Variants in CTNNA2 observed in about 807,000 individuals in gnomAD.
CTNNA2 encodes catenin alpha 2, also known as catenin alpha-2.
In CTNNA2, 42 loss-of-function variants were observed where a neutral mutation model predicts 101.0. The ratio of observed to expected loss-of-function variants is 0.42; its 90% CI spans 0.32 to 0.54. CTNNA2 has a LOEUF of 0.54. Ranked by LOEUF, CTNNA2 falls within the 20% of genes least tolerant of loss-of-function variation. The pLI is 0.14. For synonymous variants in CTNNA2, 450 were observed against 456.4 expected (o/e 0.99, Z 0.18); for missense variants, 871 against 1,223.1 (o/e 0.71, Z 4.29).
chr2:80,536,198 AT>A (rs1214391511), intron 9 of CTNNA2, among the ~76,000 whole-genome samples: 8 of 152,200 alleles, frequency 5.3e-5, no homozygotes, highest in African/African-American at 1.9e-4. Flanking sequence ...ATCAGCACAG[AT>A]AAATGAATAA....
chr2:80,647,902 C>CTTTCT lies in CTNNA2; in HGVS notation c.*38_*42dup, dbSNP rs1376748364. On this transcript the variant is annotated 3_prime_UTR_variant, in exon 19 of 19. Transcript: ENST00000402739. ...ATAGGTTTTAACAAGAAAGCTTTTT[C>CTTTCT]TTTCTTTTCTTTCTTTCTTTTTCTT... 2.6e-6 allele frequency: 4 copies of CTTTCT among 1,524,760 alleles called. No homozygotes were observed. In the East Asian group the frequency reaches 9.1e-5, roughly 35 times the overall value. The allele number at this position is 1,524,760 out of a possible 1,614,324, so 94.5% of individuals were successfully genotyped here.
At chr2:80,410,873 A>T (rs571508998) in intron 8 of CTNNA2, among the ~76,000 whole-genome samples, 34 of 152,274 alleles carry the variant, frequency 2.2e-4, no homozygotes, top group Non-Finnish European at 4.0e-4. Flanking sequence ...GTGTTTATAG[A>T]CTATGGAAAA....
At chr2:79,343,149 A>T (rs1677177009) in intron 3 of CTNNA2, among the ~76,000 whole-genome samples, 1 of 152,226 alleles carries the variant, frequency 6.6e-6, no homozygotes, top group Non-Finnish European at 1.5e-5. Flanking sequence ...AAGATACAAT[A>T]AATAAATTAT....
chr2:80,067,796 C>A (rs965471641), intron 7 of CTNNA2, among the ~76,000 whole-genome samples: 2 of 152,172 alleles, frequency 1.3e-5, no homozygotes, highest in Non-Finnish European at 2.9e-5. Context: ...GCTACTCAAG[C>A]AAAGCTGTGC....
intron 17 of CTNNA2, chr2:80,616,278 T>C (rs1698845547): frequency 6.6e-6 from 1 of 151,734 alleles, no homozygotes. Flanking sequence ...GACGCTACCA[T>C]AAAACAAAAT....
intron 9 of CTNNA2, among the ~76,000 whole-genome samples, chr2:80,426,092 G>A (rs1680962384): frequency 6.6e-6 from 1 of 152,092 alleles, no homozygotes; most frequent in African/African-American, 2.4e-5. Flanking sequence ...ATAATTATTA[G>A]TAATTTCCTC....
At chr2:80,105,876 G>A (rs1700855721) in intron 7 of CTNNA2, among the ~76,000 whole-genome samples, 1 of 152,162 alleles carries the variant, frequency 6.6e-6, no homozygotes, top group Non-Finnish European at 1.5e-5. Context: ...CAATCTGCCT[G>A]CAGCACAGTG....
At chr2:79,401,625 C>A (rs1359121181) in intron 4 of CTNNA2, among the ~76,000 whole-genome samples, 1 of 151,034 alleles carries the variant, frequency 6.6e-6, no homozygotes, top group Non-Finnish European at 1.5e-5. Context: ...AAGTAAATCA[C>A]AGGGAAATTA....
intron 4 of CTNNA2, among the ~76,000 whole-genome samples, chr2:79,399,987 C>T (rs1303042286): frequency 6.6e-6 from 1 of 152,020 alleles, no homozygotes; most frequent in East Asian, 1.9e-4. Flanking sequence ...GTCCTCATGA[C>T]ATGTGCCCAA....
intron 7 of CTNNA2, among the ~76,000 whole-genome samples, chr2:79,927,085 T>C (rs1297616264): frequency 2.0e-5 from 3 of 152,128 alleles, no homozygotes; most frequent in Non-Finnish European, 2.9e-5. Flanking sequence ...ATGTGTATGG[T>C]ACATTCTGAG....
chr2:79,373,387 T>C (rs1677915081), intron 3 of CTNNA2, among the ~76,000 whole-genome samples: 1 of 152,210 alleles, frequency 6.6e-6, no homozygotes, highest in South Asian at 2.1e-4. Flanking sequence ...ATAATTATTC[T>C]TACTGAAACA....
intron 7 of CTNNA2, among the ~76,000 whole-genome samples, chr2:80,179,622 G>A (rs943722251): frequency 3.3e-5 from 5 of 152,052 alleles, no homozygotes; most frequent in Admixed American, 6.6e-5. Context: ...ATCCGCCCAC[G>A]ACAGCCTCCC....
At chr2:79,349,149 T>C (rs544894313) in intron 3 of CTNNA2, among the ~76,000 whole-genome samples, 47 of 152,292 alleles carry the variant, frequency 3.1e-4, no homozygotes, top group African/African-American at 1.1e-3. Flanking sequence ...GATTGCACAG[T>C]GGGTGATATG....
rs1436125281 is a variant in CTNNA2, at chr2:79,192,788, A to G, written c.-523-5171A>G. On this transcript the variant is annotated intron_variant, in intron 1 of 21. Transcript: ENST00000466387. Reference sequence around the variant, plus strand: ...TCGCCCCTTGAATAAAGTAGGTGACAAGAATTGTAGATTTTCTATTAAATT... The same window carrying G: ...TCGCCCCTTGAATAAAGTAGGTGACGAGAATTGTAGATTTTCTATTAAATT... Among the ~76,000 whole-genome samples the G allele has an allele frequency of 2.6e-5, 4 of 152,146 alleles. No homozygotes were observed. In the East Asian group the frequency reaches 7.7e-4, roughly 29 times the overall value.
At chr2:79,293,054 C>T (rs1378207944) in intron 2 of CTNNA2, 1 of 152,260 alleles carries the variant, frequency 6.6e-6, no homozygotes, top group African/African-American at 2.4e-5. Flanking sequence ...CTTCAACTTT[C>T]CTTTGATTCA....
intron 7 of CTNNA2, among the ~76,000 whole-genome samples, chr2:80,091,739 A>G (rs2148821367): frequency 6.6e-6 from 1 of 152,196 alleles, no homozygotes; most frequent in Non-Finnish European, 1.5e-5. Context: ...ACATTAGAAA[A>G]AATGGAGCAC....
At chr2:79,415,836 T>C (rs1021884806) in intron 4 of CTNNA2, among the ~76,000 whole-genome samples, 1 of 152,138 alleles carries the variant, frequency 6.6e-6, no homozygotes, top group Non-Finnish European at 1.5e-5. Context: ...GTAGGTAAAA[T>C]CTTCAGAAAT....
At chr2:80,171,631 C>G (rs888446738) in intron 7 of CTNNA2, among the ~76,000 whole-genome samples, 2 of 152,230 alleles carry the variant, frequency 1.3e-5, no homozygotes, top group Admixed American at 6.5e-5. Context: ...AGTCTAACAG[C>G]TGCTGTTCTT....
intron 9 of CTNNA2, among the ~76,000 whole-genome samples, chr2:80,506,294 A>C (rs1489313635): frequency 6.6e-6 from 1 of 152,154 alleles, no homozygotes; most frequent in Non-Finnish European, 1.5e-5. Flanking sequence ...GATTGGTAGA[A>C]GTGAGATAAA....
Sources: allele counts gnomAD v4.1 joint callset (sites outside exome capture counted in the v4.1 genomes callset), GRCh38; gene constraint gnomAD v4.1.1; transcripts MANE v1.5; gene names NCBI Gene and HGNC (gene_info 2026-07-23, HGNC 2026-07-21).